DOCK1: variants seen among roughly 807,000 people sequenced by gnomAD.
DOCK1 encodes the protein dedicator of cytokinesis protein 1.
DOCK1 carries 138 observed loss-of-function variants against 262.7 expected under a neutral mutation model. That is an observed-to-expected ratio of 0.53 (90% confidence interval 0.46 to 0.61). The LOEUF (loss-of-function observed/expected upper bound fraction) is 0.61, where lower values mean the gene tolerates loss of function less well. Among genes scored for constraint, DOCK1 ranks in the 20% least tolerant of loss-of-function variants. DOCK1 has a pLI of 0.00. For synonymous variants in DOCK1, 866 were observed against 867.4 expected, an observed-to-expected ratio of 1.00 and a Z score of 0.03; for missense variants, 1,908 against 2,370.7, an observed-to-expected ratio of 0.80 and a Z score of 4.05.
Position 127,000,463 on chromosome 10 carries a change from G to A in DOCK1, c.985+156G>A, listed in dbSNP as rs928656548. 5.2e-6 allele frequency: 6 copies of A among 1,144,126 alleles called. No homozygotes were observed. The African/African-American group carries it at 6.2e-5, about 12-fold the overall frequency. 70.9% of individuals were successfully genotyped at this position (1,144,126 alleles called of 1,614,324 possible). A position where few individuals can be genotyped will look rare whatever the true frequency, so the allele number is the denominator to read the frequency against. ...ATATTTATTAGTTATTTTCATTGTGGCTTCAAGTTGACCTGCTAGGCTCAG... is the reference window on the plus strand; with the variant it reads ...ATATTTATTAGTTATTTTCATTGTGACTTCAAGTTGACCTGCTAGGCTCAG... On this transcript the variant is annotated intron_variant, in intron 10 of 51. Transcript: ENST00000623213.
rs2064443372 is a variant in DOCK1, at chr10:127,361,460, AAAAGGTAGAATCACTGCTGTT to A, written c.3284-603_3284-583del. On this transcript the variant is annotated intron_variant, in intron 32 of 51. Transcript: ENST00000623213. ...CATTTTCCTATCAAACAATAGCTCG[AAAAGGTAGAATCACTGCTGTT>A]TTTAGGGTTTCAGCCTCAGATTCCG... 8.5e-5 allele frequency among the ~76,000 whole-genome samples: 13 copies of A among 152,286 alleles called. 1 individual carries two copies. In the South Asian group the frequency reaches 2.5e-3, roughly 29 times the overall value.
chr10:127,026,554 T>A, intron 16 of DOCK1, 130 bp downstream of exon 16: 1 of 823,048 alleles, frequency 1.2e-6, no homozygotes, highest in South Asian at 1.5e-5. Context: ...CACCGGAACC[T>A]ATTCCTTGGA....
chr10:126,954,741 C>T, intron 1 of DOCK1, among the ~76,000 whole-genome samples: 1 of 152,158 alleles, frequency 6.6e-6, no homozygotes, highest in Non-Finnish European at 1.5e-5. Flanking sequence ...AAGGTTCATC[C>T]ACATTGTAGC....
chr10:127,054,847 C>T (rs544677984), intron 22 of DOCK1, among the ~76,000 whole-genome samples: 48 of 152,274 alleles, frequency 3.2e-4, no homozygotes, highest in South Asian at 2.5e-3. Context: ...CTGGACTTTC[C>T]CTTTCATTCA....
intron 14 of DOCK1, among the ~76,000 whole-genome samples, chr10:127,023,910 G>A (rs140629227): frequency 4.6e-5 from 7 of 152,322 alleles, no homozygotes; most frequent in South Asian, 2.1e-4. Flanking sequence ...ATTGCTCAGC[G>A]TTAGAGAGCT....
intron 29 of DOCK1, among the ~76,000 whole-genome samples, chr10:127,337,591 C>G (rs150510381): frequency 6.6e-6 from 1 of 152,252 alleles, no homozygotes; most frequent in East Asian, 1.9e-4. Flanking sequence ...ATGTTGCTGC[C>G]CAGCCTGTGT....
chr10:127,348,405 C>T (rs1236674163), intron 31 of DOCK1, among the ~76,000 whole-genome samples: 2 of 152,164 alleles, frequency 1.3e-5, no homozygotes, highest in Non-Finnish European at 2.9e-5. Context: ...ATGTAAGACA[C>T]GTGCATCCTG....
rs1177608158 is a variant in DOCK1 at position 127,437,744 on chromosome 10, G to A, written c.5061-1283G>A. Among the ~76,000 whole-genome samples, 3 of 152,190 alleles carry A rather than the reference G, an allele frequency of 2.0e-5. No individual in the cohort carries two copies. The highest frequency in any genetic ancestry group is 6.5e-5 in the Admixed American group (1 of 15,276). On this transcript the variant is annotated intron_variant, in intron 48 of 51. Transcript: ENST00000623213. The surrounding 1 kb of genome is among the most constrained non-coding windows in gnomAD (Gnocchi z 4.4). ...TCCACCTGCCTTAGCCTCCCCAAGT[G>A]CTAGGATTATAGGCATGAGCCACCA...
At chr10:127,213,952 G>A (rs1178139890) in intron 27 of DOCK1, among the ~76,000 whole-genome samples, 1 of 152,102 alleles carries the variant, frequency 6.6e-6, no homozygotes, top group African/African-American at 2.4e-5. Context: ...CCATTCTCCT[G>A]CCTCAGCCTC....
At chr10:127,414,232 G>C (rs1481982486) in intron 43 of DOCK1, among the ~76,000 whole-genome samples, 2 of 152,128 alleles carry the variant, frequency 1.3e-5, no homozygotes, top group Non-Finnish European at 2.9e-5. Context: ...GGAATGACTG[G>C]CATTCCATTA....
chr10:127,367,370 G>T (rs1278895399), intron 33 of DOCK1, among the ~76,000 whole-genome samples: 2 of 152,116 alleles, frequency 1.3e-5, no homozygotes, highest in East Asian at 3.9e-4. Context: ...CAGGGTCCAT[G>T]TGTTGAATGG....
At chr10:126,954,951 G>A (rs1401746216) in intron 1 of DOCK1, among the ~76,000 whole-genome samples, 4 of 152,162 alleles carry the variant, frequency 2.6e-5, no homozygotes, top group Admixed American at 1.3e-4. Flanking sequence ...TGATCATATA[G>A]TAGTTGTATA....
rs2060193179 is a variant in DOCK1 at position 127,262,208 on chromosome 10, G to GCA, written c.3044+4779_3044+4780insCA. Among the ~76,000 whole-genome samples the GCA allele has an allele frequency of 4.2e-5, 4 of 94,202 alleles. 1 individual carries two copies. In the South Asian group the frequency reaches 1.9e-3, roughly 46 times the overall value. 61.8% of individuals were successfully genotyped at this position (94,202 alleles called of 152,430 possible). On this transcript the variant is annotated intron_variant, in intron 29 of 51. Transcript: ENST00000623213. ...TGTGTGTACCCGTGCTCATCTGTGT[G>GCA]TGTGCGTGTGTGTGTGTGTGTACCC... is the stretch of plus-strand genomic sequence containing the variant.
intron 27 of DOCK1, among the ~76,000 whole-genome samples, chr10:127,195,523 T>TCCCCCC (rs144810960): frequency 6.7e-6 from 1 of 148,160 alleles, no homozygotes; most frequent in Admixed American, 6.7e-5. Context: ...TTCCAACTCA[T>TCCCCCC]CCCCCCCCCG....
chr10:126,959,519 TA>T (rs1240055248), intron 1 of DOCK1, among the ~76,000 whole-genome samples: 43 of 152,060 alleles, frequency 2.8e-4, no homozygotes, highest in Admixed American at 2.4e-3. Flanking sequence ...TTGGACTAGA[TA>T]AAAAAAATCA....
chr10:127,285,189 T>A (rs2061105730), intron 29 of DOCK1, among the ~76,000 whole-genome samples: 1 of 152,224 alleles, frequency 6.6e-6, no homozygotes. Flanking sequence ...ACTATTCATT[T>A]TCTGATTTTT....
At chr10:127,247,987 T>C (rs780994870) in intron 27 of DOCK1, 21 bp from the exon 28 acceptor site, 1 of 1,610,618 alleles carries the variant, frequency 6.2e-7, no homozygotes, top group South Asian at 1.1e-5. Flanking sequence ...CATCTAATTC[T>C]ATCTTTTGAT....
At position 127,451,565 on chromosome 10, in the gene DOCK1, AG is replaced by A. The variant is rs1159471899; in HGVS notation, c.*139del. On this transcript the variant is annotated 3_prime_UTR_variant, in exon 52 of 52. Coordinates refer to ENST00000623213, the MANE Select transcript of DOCK1 (RefSeq NM_001290223.2). Reference sequence around the variant, plus strand: ...CGTGCGACTGCTTTTTCTTCAAAGGAGTTCAGTTCTCACCATGGAGTGAGTG... The same window carrying A: ...CGTGCGACTGCTTTTTCTTCAAAGGATTCAGTTCTCACCATGGAGTGAGTG... The A allele has an allele frequency of 6.7e-7, 1 of 1,502,710 alleles. No homozygotes were observed. The highest frequency in any genetic ancestry group is 8.9e-7 in the Non-Finnish European group (1 of 1,126,266). The allele number at this position is 1,502,710 out of a possible 1,614,324, so 93.1% of individuals were successfully genotyped here.
At chr10:127,408,971 T>C in intron 40 of DOCK1, 66 bp from the exon 41 acceptor site, 1 of 1,503,274 alleles carries the variant, frequency 6.7e-7, no homozygotes, top group African/African-American at 1.4e-5. Context: ...AAGGCCAGCA[T>C]ATTGCATGTG....
Sources: allele counts gnomAD v4.1 joint callset (sites outside exome capture counted in the v4.1 genomes callset), GRCh38; gene constraint gnomAD v4.1.1; non-coding constraint Gnocchi (gnomAD v3.1); transcripts MANE v1.5; gene names NCBI Gene and HGNC (gene_info 2026-07-23, HGNC 2026-07-21).